The following IGSF5 variants were observed in gnomAD, a reference collection of about 807,000 sequenced individuals.
IGSF5 encodes the protein immunoglobulin superfamily member 5.
In IGSF5, 41 loss-of-function variants were observed where a neutral mutation model predicts 39.4. That is an observed-to-expected ratio of 1.04 (90% CI 0.81 to 1.35). The LOEUF is 1.35. Ranked by LOEUF, IGSF5 falls within the 40% of genes most tolerant of loss-of-function variation. The pLI is 0.00. For synonymous variants in IGSF5, 183 were observed against 175.3 expected (o/e 1.04, Z -0.34); for missense variants, 487 against 494.6 (o/e 0.98, Z 0.15).
intron 5 of IGSF5, among the ~76,000 whole-genome samples, chr21:39,785,714 G>A (rs1319029677): frequency 1.3e-5 from 2 of 151,906 alleles, no homozygotes; most frequent in Non-Finnish European, 2.9e-5. Context: ...CCATTTGTTT[G>A]TATCCTCTTT....
chr21:39,780,059 C>T (rs958924846), intron 5 of IGSF5, among the ~76,000 whole-genome samples: 4 of 152,060 alleles, frequency 2.6e-5, no homozygotes, highest in Non-Finnish European at 5.9e-5. Flanking sequence ...ATATTCTCAC[C>T]ACAAAATAGC....
At chr21:39,763,767 C>T (rs75354430) in intron 2 of IGSF5, among the ~76,000 whole-genome samples, 1 of 152,156 alleles carries the variant, frequency 6.6e-6, no homozygotes, top group Non-Finnish European at 1.5e-5. Flanking sequence ...TATTACATCA[C>T]GGACCCTCGG....
At position 39,779,311 on chromosome 21, in the gene IGSF5, T is replaced by C; in HGVS notation, c.934+6T>C. ...CTGCTGTAGAAGAAAAAGAGGTAAT[T>C]TTTTTGTTCATTTACATTTGTACAT... On this transcript the variant is annotated splice_donor_region_variant and intron_variant, in intron 5 of 8. Coordinates refer to ENST00000380588, the MANE Select transcript of IGSF5 (RefSeq NM_001080444.2). The C allele has an allele frequency of 6.2e-7, 1 of 1,610,688 alleles. No individual in the cohort carries two copies. Among genetic ancestry groups the C allele is most frequent in the Non-Finnish European group, 8.5e-7 (1 of 1,177,832 alleles).
chr21:39,748,475 TAA>T (rs1390067434), intron 2 of IGSF5, among the ~76,000 whole-genome samples: 1 of 151,890 alleles, frequency 6.6e-6, no homozygotes, highest in Non-Finnish European at 1.5e-5. Flanking sequence ...CACATCCGGC[TAA>T]TTTTTGTGTT....
intron 4 of IGSF5, among the ~76,000 whole-genome samples, chr21:39,775,932 A>ATGAG (rs1369374024): frequency 1.3e-5 from 2 of 152,190 alleles, no homozygotes; most frequent in African/African-American, 4.8e-5. Flanking sequence ...ATGGAAAGAT[A>ATGAG]TGAGCCAGTG....
chr21:39,787,552 G>GTTTTTTTTTTT (rs33925299), intron 5 of IGSF5, among the ~76,000 whole-genome samples: 2 of 119,908 alleles, frequency 1.7e-5, no homozygotes, highest in Non-Finnish European at 3.3e-5. Context: ...TAATGACAGT[G>GTTTTTTTTTTT]TTTTTTTTTT....
chr21:39,723,478 G>T, the IGSF5 span, among the ~76,000 whole-genome samples: 539 of 152,312 alleles, frequency 3.5e-3, 3 homozygotes, highest in African/African-American at 0.012. Flanking sequence ...CAAGTCAGAA[G>T]TCCCAGCCCC....
the IGSF5 span, among the ~76,000 whole-genome samples, chr21:39,727,163 A>G: frequency 1.3e-5 from 2 of 152,226 alleles, no homozygotes; most frequent in African/African-American, 4.8e-5. Flanking sequence ...GTGACCCACT[A>G]GTAGAATTTT....
At chr21:39,800,333 G>A (rs568675871) in intron 8 of IGSF5, among the ~76,000 whole-genome samples, 17 of 152,192 alleles carry the variant, frequency 1.1e-4, no homozygotes, top group African/African-American at 3.9e-4. Flanking sequence ...CCTGGATCAA[G>A]CCTTCCCCAC....
At chr21:39,775,590 A>G (rs1490173404) in intron 4 of IGSF5, among the ~76,000 whole-genome samples, 1 of 152,220 alleles carries the variant, frequency 6.6e-6, no homozygotes, top group Non-Finnish European at 1.5e-5. Flanking sequence ...GAAAAGGACA[A>G]TCTCCAAGTG....
In IGSF5 at chr21:39,779,196, G is replaced by A. The variant is rs1236945840; in HGVS notation, c.825G>A (p.Met275Ile). ...TTGGACTTGGACTAGCAGGCACCAT[G>A]CTTCTGACGCCGACGTGTACTCTTA... is the stretch of plus-strand genomic sequence containing the variant. ...GKVGLGLAGTMLLTPTCTLTI... is the reference protein window; with the variant it reads ...GKVGLGLAGTILLTPTCTLTI... Residue 275 changes from methionine (M) to isoleucine (I), a missense_variant, in exon 5 of 9, where the codon ATG (methionine) becomes ATA (isoleucine). Physicochemically the swap from Met to Ile is conservative, Grantham distance 10. Transcript: ENST00000380588. 6.2e-7 allele frequency: 1 copy of A among 1,613,994 alleles called. No homozygotes were observed. The highest frequency in any genetic ancestry group is 1.3e-5 in the African/African-American group (1 of 74,908).
chr21:39,774,184 T>C (rs2080128628), intron 4 of IGSF5, among the ~76,000 whole-genome samples: 1 of 152,136 alleles, frequency 6.6e-6, no homozygotes, highest in Non-Finnish European at 1.5e-5. Context: ...GCATGTTGTG[T>C]GTTTTAGGTA....
At position 39,771,177 on chromosome 21, in the gene IGSF5, C is replaced by T. The variant is rs1489217507; in HGVS notation, c.680C>T (p.Ser227Phe). 1 of 1,596,948 alleles carries T rather than the reference C, an allele frequency of 6.3e-7. No individual in the cohort carries two copies. The highest frequency in any genetic ancestry group is 2.3e-5 in the East Asian group (1 of 44,370). The change falls in exon 4 of 9, where the codon TCT (serine) becomes TTT (phenylalanine). Residue 227 changes from serine (S) to phenylalanine (F), a missense_variant. Physicochemically the swap from Ser to Phe is radical, Grantham distance 155. Transcript: ENST00000380588. ...ATWKSLKARK[S>F]ATVNLTVIRC... is the part of the protein sequence containing the mutation. ...TGGAAGAGCCTGAAGGCCCGCAAGT[C>T]TGCAACTGTAAATCTCACTGTGATT... is the stretch of plus-strand genomic sequence containing the variant.
chr21:39,759,737 C>T (rs1029524443), intron 2 of IGSF5, among the ~76,000 whole-genome samples: 20 of 151,698 alleles, frequency 1.3e-4, no homozygotes, highest in Non-Finnish European at 5.9e-5. Flanking sequence ...TGTGGTGGCA[C>T]GCAACTGTAG....
intron 2 of IGSF5, among the ~76,000 whole-genome samples, chr21:39,747,243 G>A (rs2079979939): frequency 6.6e-6 from 1 of 152,208 alleles, no homozygotes; most frequent in Non-Finnish European, 1.5e-5. Flanking sequence ...AGAGAGCCAA[G>A]CAAAAGGGAT....
At chr21:39,726,922 C>A in the IGSF5 span, among the ~76,000 whole-genome samples, 7 of 152,022 alleles carry the variant, frequency 4.6e-5, no homozygotes, top group Non-Finnish European at 1.0e-4. Context: ...GACTTGGAAG[C>A]TGCCAGCCTA....
intron 7 of IGSF5, among the ~76,000 whole-genome samples, chr21:39,792,582 T>C (rs2086971820): frequency 6.6e-6 from 1 of 152,170 alleles, no homozygotes; most frequent in Admixed American, 6.5e-5. Flanking sequence ...CCCTCTACAT[T>C]AAAACATGTG....
At chr21:39,763,843 C>A (rs566229263) in intron 2 of IGSF5, among the ~76,000 whole-genome samples, 6 of 152,260 alleles carry the variant, frequency 3.9e-5, no homozygotes, top group South Asian at 4.1e-4. Flanking sequence ...AAGGGCATTG[C>A]GGCTTCCCTG....
chr21:39,734,094 T>C, the IGSF5 span, among the ~76,000 whole-genome samples: 3 of 152,122 alleles, frequency 2.0e-5, no homozygotes, highest in East Asian at 5.8e-4. Flanking sequence ...AAATAGATTT[T>C]CAATATGTAA....
Sources: gnomAD v4.1 joint callset for allele counts (sites outside exome capture counted in the v4.1 genomes callset) on GRCh38, gnomAD v4.1.1 for gene constraint, MANE v1.5 for transcripts, NCBI Gene and HGNC (gene_info 2026-07-23, HGNC 2026-07-21) for gene names.